VPS53: variants seen among roughly 807,000 people sequenced by gnomAD.
VPS53 encodes vacuolar protein sorting-associated protein 53 homolog.
A neutral mutation model predicts 107.0 loss-of-function variants in VPS53; 70 were observed. The observed-to-expected ratio is 0.65, with a 90% CI of 0.54 to 0.80. The LOEUF is 0.80. Among genes scored for constraint, VPS53 ranks in the 30% least tolerant of loss-of-function variants. The pLI is 0.00. For synonymous variants in VPS53, 409 were observed against 393.3 expected (o/e 1.04, Z -0.47); for missense variants, 917 against 1,049.4 (o/e 0.87, Z 1.74).
intron 13 of VPS53, 62 bp downstream of exon 13, chr17:586,208 A>G (rs1468763189): frequency 6.6e-7 from 1 of 1,511,702 alleles, no homozygotes; most frequent in Non-Finnish European, 9.2e-7. Context: ...CGCTCCTAAG[A>G]CCCAGTCATG....
At chr17:665,276 G>A (rs939364713) in intron 4 of VPS53, among the ~76,000 whole-genome samples, 2 of 152,142 alleles carry the variant, frequency 1.3e-5, no homozygotes, top group East Asian at 1.9e-4. Context: ...GCCGCAGGAC[G>A]ACATGGTGAG....
At chr17:596,141 A>T (rs1210690081) in intron 12 of VPS53, among the ~76,000 whole-genome samples, 3 of 152,274 alleles carry the variant, frequency 2.0e-5, no homozygotes, top group African/African-American at 7.2e-5. Flanking sequence ...AAAGTTTTTT[A>T]AAAAGTGGTT....
chr17:590,057 C>CA (rs1967556961), intron 12 of VPS53, among the ~76,000 whole-genome samples: 1 of 152,136 alleles, frequency 6.6e-6, no homozygotes, highest in Non-Finnish European at 1.5e-5. Context: ...TTTCACTGAG[C>CA]AGTGGTTCGT....
chr17:682,068 G>A (rs182630106), intron 4 of VPS53, among the ~76,000 whole-genome samples: 280 of 152,294 alleles, frequency 1.8e-3, no homozygotes, highest in Non-Finnish European at 3.3e-3. Context: ...ATTAGAAAAG[G>A]AAGAAATATT....
At chr17:648,433 C>G (rs1453209893) in intron 7 of VPS53, among the ~76,000 whole-genome samples, 1 of 152,106 alleles carries the variant, frequency 6.6e-6, no homozygotes, top group African/African-American at 2.4e-5. Context: ...CGCCTGTAGT[C>G]CCAGCTACTT....
intron 4 of VPS53, among the ~76,000 whole-genome samples, chr17:670,080 T>A (rs1201519439): frequency 2.0e-5 from 3 of 152,192 alleles, no homozygotes; most frequent in Non-Finnish European, 4.4e-5. Flanking sequence ...TATAAAGCAG[T>A]GACTGTTGTG....
chr17:678,166 A>G (rs1269500736), intron 4 of VPS53, among the ~76,000 whole-genome samples: 1 of 152,182 alleles, frequency 6.6e-6, no homozygotes, highest in Non-Finnish European at 1.5e-5. Flanking sequence ...CTGAAGTCCC[A>G]GCACTTTGAG....
At chr17:635,908 A>G (rs1190159548) in intron 7 of VPS53, among the ~76,000 whole-genome samples, 1 of 152,156 alleles carries the variant, frequency 6.6e-6, no homozygotes, top group Non-Finnish European at 1.5e-5. Flanking sequence ...ATGAACTTTA[A>G]AGTAGTTTTT....
rs1381862272 is a variant in VPS53 at position 515,230 on chromosome 17, C to T, written c.*3898G>A. The T allele has an allele frequency of 6.6e-6, 1 of 152,080 alleles. No individual in the cohort carries two copies. Among genetic ancestry groups the T allele is most frequent in the African/African-American group, 2.4e-5 (1 of 41,404 alleles). The allele number at this position is 152,080 out of a possible 1,614,324, so 9.4% of individuals were successfully genotyped here. On this transcript the variant is annotated 3_prime_UTR_variant, in exon 22 of 22. Transcript: ENST00000437048. Reference sequence around the variant, plus strand: ...TAGCTGCTGCTTTCATCCACAGGTACTCCTTTTACCTTATTATTTTTTAGA... The same window carrying T: ...TAGCTGCTGCTTTCATCCACAGGTATTCCTTTTACCTTATTATTTTTTAGA...
intron 7 of VPS53, among the ~76,000 whole-genome samples, chr17:640,133 G>A (rs544138784): frequency 2.8e-4 from 42 of 152,306 alleles, no homozygotes; most frequent in Non-Finnish European, 4.9e-4. Context: ...CTGCCGCCTT[G>A]CAGTTTGATC....
chr17:704,287 T>C (rs367573120), intron 2 of VPS53, among the ~76,000 whole-genome samples: 1 of 152,080 alleles, frequency 6.6e-6, no homozygotes, highest in Non-Finnish European at 1.5e-5. Flanking sequence ...CTGGGTGAAA[T>C]AGTAAGAGGC....
chr17:663,421 G>T (rs1176413300), intron 4 of VPS53, among the ~76,000 whole-genome samples: 3 of 152,210 alleles, frequency 2.0e-5, no homozygotes, highest in Non-Finnish European at 4.4e-5. Flanking sequence ...GACCGTCCGT[G>T]AGTAAAGACT....
chr17:697,561 T>G (rs1191035261), intron 3 of VPS53, 77 bp from the exon 4 acceptor site: 16 of 1,238,940 alleles, frequency 1.3e-5, no homozygotes, highest in Non-Finnish European at 1.5e-5. Context: ...AAGTAAAAAG[T>G]AATTTATTCA....
At chr17:610,031 T>C (rs1968781511) in intron 11 of VPS53, among the ~76,000 whole-genome samples, 1 of 151,256 alleles carries the variant, frequency 6.6e-6, no homozygotes, top group South Asian at 2.1e-4. Context: ...ACGCGGAGGC[T>C]GAGGCAGGAG....
intron 17 of VPS53, among the ~76,000 whole-genome samples, chr17:549,389 C>G (rs962514909): frequency 3.3e-5 from 5 of 152,098 alleles, no homozygotes; most frequent in Non-Finnish European, 7.4e-5. Context: ...TGCTGCGTTC[C>G]CAAGTCTGTG....
chr17:544,658 G>A (rs1911043074), intron 17 of VPS53, among the ~76,000 whole-genome samples: 1 of 152,194 alleles, frequency 6.6e-6, no homozygotes, highest in African/African-American at 2.4e-5. Context: ...CTTTATCTGT[G>A]AAAAGGGGAA....
At chr17:655,337 T>C (rs1032381805) in intron 6 of VPS53, among the ~76,000 whole-genome samples, 22 of 48,506 alleles carry the variant, frequency 4.5e-4, no homozygotes, top group African/African-American at 1.6e-3. Flanking sequence ...GTTTGAATGA[T>C]TGAGTTCTGT....
intron 18 of VPS53, chr17:536,566 G>A (rs997603752): frequency 6.2e-5 from 10 of 160,724 alleles, no homozygotes; most frequent in Non-Finnish European, 8.2e-5. Context: ...TGTTGCCTAT[G>A]ACTTTAAGTA....
intron 12 of VPS53, among the ~76,000 whole-genome samples, chr17:589,298 T>C (rs1203812042): frequency 6.6e-6 from 1 of 152,084 alleles, no homozygotes; most frequent in Admixed American, 6.6e-5. Flanking sequence ...CTACTGACAA[T>C]ATTTTATCAC....
Sources: allele counts gnomAD v4.1 joint callset (sites outside exome capture counted in the v4.1 genomes callset), GRCh38; gene constraint gnomAD v4.1.1; transcripts MANE v1.5; gene names NCBI Gene and HGNC (gene_info 2026-07-23, HGNC 2026-07-21).